NECTIN1: variants seen among roughly 807,000 people sequenced by gnomAD.
The protein encoded by NECTIN1 is nectin cell adhesion molecule 1.
Under a neutral mutation model 48.0 loss-of-function variants are expected in NECTIN1, and 23 were observed. The observed-to-expected ratio is 0.48, with a 90% CI of 0.34 to 0.68. NECTIN1 has a LOEUF of 0.68. NECTIN1 is among the 30% of genes least tolerant of loss of function. The pLI is 0.01. For synonymous variants in NECTIN1, 270 were observed against 288.9 expected (o/e 0.93, Z 0.66); for missense variants, 591 against 709.9 (o/e 0.83, Z 1.90).
chr11:119,716,126 C>T (rs1309486400), intron 1 of NECTIN1, among the ~76,000 whole-genome samples: 1 of 152,132 alleles, frequency 6.6e-6, no homozygotes, highest in Non-Finnish European at 1.5e-5. Context: ...AGGCACCTGC[C>T]CAGGTGATCA....
Position 119,661,886 on chromosome 11 carries a change from A to T in NECTIN1, c.*2861T>A, listed in dbSNP as rs1864672935. On this transcript the variant is annotated 3_prime_UTR_variant, in exon 6 of 6. Transcript: ENST00000264025. Reference sequence around the variant, plus strand: ...TGCGCGTGGGTGTGTTGGAGGTGTGAGTGTGTCCACTGTGGGCACACGTAC... The same window carrying T: ...TGCGCGTGGGTGTGTTGGAGGTGTGTGTGTGTCCACTGTGGGCACACGTAC... 1.0e-6 allele frequency: 1 copy of T among 984,412 alleles called. No homozygotes were observed. The highest frequency in any genetic ancestry group is 1.8e-5 in the African/African-American group (1 of 56,890). 61.0% of individuals were successfully genotyped at this position (984,412 alleles called of 1,614,324 possible).
chr11:119,674,626 G>A (rs779085682), intron 5 of NECTIN1: 21 of 1,614,056 alleles, frequency 1.3e-5, no homozygotes, highest in Middle Eastern at 1.6e-4. Flanking sequence ...CCCTTTGCCC[G>A]GATAGATAAG....
chr11:119,659,424 G>C (rs1864624774), downstream of NECTIN1: 2 of 152,308 alleles, frequency 1.3e-5, no homozygotes. Context: ...ACATCCCAGG[G>C]GGGAACTTAG....
chr11:119,639,807 C>T lies in NECTIN1; in HGVS notation c.1151+58G>A, dbSNP rs1244733028. 8.7e-6 allele frequency: 14 copies of T among 1,612,078 alleles called. No homozygotes were observed. The East Asian group carries it at 2.9e-4, about 33-fold the overall frequency. On this transcript the variant is annotated intron_variant, in intron 6 of 7. Transcript: ENST00000341398. ...TTAGGTGCTTTAAGTCTGGGGCTCC[C>T]AGGGTGCTGGGGAGCAGACCAGTGG...
At chr11:119,706,921 C>T (rs576182045) in intron 1 of NECTIN1, among the ~76,000 whole-genome samples, 5 of 152,262 alleles carry the variant, frequency 3.3e-5, no homozygotes, top group Non-Finnish European at 7.4e-5. Context: ...TGGTGTAGGG[C>T]ATCCAAGGGC....
chr11:119,714,964 C>T (rs953648469), intron 1 of NECTIN1, among the ~76,000 whole-genome samples: 17 of 151,956 alleles, frequency 1.1e-4, no homozygotes, highest in Non-Finnish European at 1.6e-4. Context: ...AGAGGTGAGA[C>T]GGGGGCCGAG....
chr11:119,651,353 C>T (rs1864486996), intron 5 of NECTIN1, among the ~76,000 whole-genome samples: 1 of 152,112 alleles, frequency 6.6e-6, no homozygotes. Context: ...TTTCATTGAT[C>T]AAGCCCCCAG....
chr11:119,674,629 T>C (rs112160809), intron 5 of NECTIN1: 2 of 1,614,210 alleles, frequency 1.2e-6, no homozygotes, highest in African/African-American at 1.3e-5. Flanking sequence ...TTTGCCCGGA[T>C]AGATAAGTTG....
At chr11:119,657,154 C>T (rs966676116), downstream of NECTIN1, among the ~76,000 whole-genome samples, 4 of 152,112 alleles carry the variant, frequency 2.6e-5, no homozygotes, top group Admixed American at 6.5e-5. Flanking sequence ...TAGCATTGTT[C>T]GGCACTCAAA....
At chr11:119,647,798 C>T (rs1864417406) in intron 5 of NECTIN1, among the ~76,000 whole-genome samples, 1 of 152,080 alleles carries the variant, frequency 6.6e-6, no homozygotes, top group African/African-American at 2.4e-5. Flanking sequence ...CGCGGTGGCT[C>T]ACGCCTGTAA....
chr11:119,695,133 G>T (rs1039264579), intron 1 of NECTIN1, among the ~76,000 whole-genome samples: 1 of 152,144 alleles, frequency 6.6e-6, no homozygotes, highest in Admixed American at 6.5e-5. Context: ...TCAGGCTCGG[G>T]AAGTGATCTG....
chr11:119,677,451 AAGAAAGCACCCCC>A lies in NECTIN1; in HGVS notation c.733+91_733+103del. On this transcript the variant is annotated intron_variant, in intron 3 of 5. Coordinates refer to ENST00000264025, the MANE Select transcript of NECTIN1 (RefSeq NM_002855.5). The surrounding 1 kb of genome is among the most constrained non-coding windows in gnomAD (Gnocchi z 5.4). ...GGAGATAGGGGAGACAGGAGGGGAG[AAGAAAGCACCCCC>A]AGAAAGAGAAAGGGAGGAGAAAGGA... The A allele has an allele frequency of 7.4e-7, 1 of 1,343,600 alleles. No individual in the cohort carries two copies. Among genetic ancestry groups the A allele is most frequent in the South Asian group, 1.2e-5 (1 of 84,474 alleles). The allele number at this position is 1,343,600 out of a possible 1,614,324, so 83.2% of individuals were successfully genotyped here. A position where few individuals can be genotyped will look rare whatever the true frequency, so the allele number is the denominator to read the frequency against.
At chr11:119,690,456 C>A (rs898308458) in intron 1 of NECTIN1, among the ~76,000 whole-genome samples, 3 of 152,020 alleles carry the variant, frequency 2.0e-5, no homozygotes, top group African/African-American at 7.2e-5. Context: ...GGGGCTGGGG[C>A]CAGAAAAAAA....
chr11:119,662,598 A>G lies in NECTIN1; in HGVS notation c.*2149T>C. On this transcript the variant is annotated 3_prime_UTR_variant, in exon 6 of 6. Transcript: ENST00000264025. This position sits in a 1 kb window ranked among gnomAD's most constrained non-coding sequence, Gnocchi z 5.3. ...AGATGCAGGAGGAGACAGGGACAGG[A>G]AATGCCTCTATCAGGCAGGCCCCTG... is the stretch of plus-strand genomic sequence containing the variant. 1 of 985,642 alleles carries G rather than the reference A, an allele frequency of 1.0e-6. No homozygotes were observed. 61.1% of individuals were successfully genotyped at this position (985,642 alleles called of 1,614,324 possible). A position where few individuals can be genotyped will look rare whatever the true frequency, so the allele number is the denominator to read the frequency against.
At chr11:119,690,200 CT>C (rs1865229403) in intron 1 of NECTIN1, among the ~76,000 whole-genome samples, 1 of 152,144 alleles carries the variant, frequency 6.6e-6, no homozygotes, top group South Asian at 2.1e-4. Flanking sequence ...CTCGCAGCCC[CT>C]CCTTGGTGAA....
At chr11:119,698,843 G>C (rs907311895) in intron 1 of NECTIN1, among the ~76,000 whole-genome samples, 1 of 152,182 alleles carries the variant, frequency 6.6e-6, no homozygotes, top group South Asian at 2.1e-4. Context: ...GCTGCAAGCT[G>C]AGACCATTCC....
intron 5 of NECTIN1, among the ~76,000 whole-genome samples, chr11:119,644,188 T>C (rs1487125623): frequency 6.6e-6 from 1 of 152,170 alleles, no homozygotes; most frequent in African/African-American, 2.4e-5. Context: ...TGCATCTGGT[T>C]TTCCTGTCCC....
At chr11:119,650,454 C>T (rs182478095) in intron 5 of NECTIN1, among the ~76,000 whole-genome samples, 6 of 152,344 alleles carry the variant, frequency 3.9e-5, no homozygotes, top group East Asian at 1.9e-4. Context: ...TACCAAACAC[C>T]GTTCCCACGA....
intron 1 of NECTIN1, among the ~76,000 whole-genome samples, chr11:119,721,567 A>G (rs1468465236): frequency 1.3e-5 from 2 of 152,238 alleles, no homozygotes; most frequent in Non-Finnish European, 2.9e-5. Flanking sequence ...TTTGGTAATG[A>G]GACTCCTCAT....
Sources: gnomAD v4.1 joint callset for allele counts (sites outside exome capture counted in the v4.1 genomes callset) on GRCh38, gnomAD v4.1.1 for gene constraint, Gnocchi (gnomAD v3.1) non-coding constraint, MANE v1.5 for transcripts, NCBI Gene and HGNC (gene_info 2026-07-23, HGNC 2026-07-21) for gene names.